The following RBM19 variants were observed in gnomAD, a reference collection of about 807,000 sequenced individuals.
RBM19 encodes RNA binding motif protein 19.
A neutral mutation model predicts 116.8 loss-of-function variants in RBM19; 94 were observed. That is an observed-to-expected ratio of 0.80 (90% CI 0.68 to 0.95). The LOEUF (loss-of-function observed/expected upper bound fraction) is 0.95. RBM19 is among the 40% of genes least tolerant of loss of function. The probability of loss-of-function intolerance (pLI) is 0.00; values close to 1 mark genes in which losing one functional copy is unlikely to be tolerated. For synonymous variants in RBM19, 475 were observed against 494.1 expected, an observed-to-expected ratio of 0.96 and a Z score of 0.51; for missense variants, 1,161 against 1,220.7, an observed-to-expected ratio of 0.95 and a Z score of 0.73.
chr12:113,836,280 T>C (rs1454707608), intron 23 of RBM19, among the ~76,000 whole-genome samples: 1 of 151,792 alleles, frequency 6.6e-6, no homozygotes, highest in East Asian at 1.9e-4. Context: ...GGGAGGGCAG[T>C]TTGGTGGAAA....
intron 15 of RBM19, among the ~76,000 whole-genome samples, chr12:113,938,173 T>C (rs1428493153): frequency 6.6e-6 from 1 of 152,116 alleles, no homozygotes; most frequent in Non-Finnish European, 1.5e-5. Context: ...GAGAGAGCTT[T>C]TGGTGACTGG....
chr12:113,919,019 C>A (rs574811620), intron 19 of RBM19, among the ~76,000 whole-genome samples: 1 of 152,270 alleles, frequency 6.6e-6, no homozygotes, highest in South Asian at 2.1e-4. Flanking sequence ...ATACAGTACA[C>A]GTGCAAAGTG....
At position 113,844,630 on chromosome 12, in the gene RBM19, G is replaced by A. The variant is rs1298683421; in HGVS notation, c.2785+38C>T. ...CACCCACCTCTTGTGTTCCCCAGGG[G>A]GCCCATGAGTCAGCCCAAAAGACCG... On this transcript the variant is annotated intron_variant, in intron 23 of 23. Coordinates refer to ENST00000261741, the MANE Select transcript of RBM19 (RefSeq NM_016196.4). 1.9e-6 allele frequency: 3 copies of A among 1,581,224 alleles called. No homozygotes were observed. In the Admixed American group the frequency reaches 5.3e-5, roughly 28 times the overall value.
At chr12:113,957,689 A>G (rs1593653056) in intron 6 of RBM19, 93 bp downstream of exon 6, 1 of 1,466,864 alleles carries the variant, frequency 6.8e-7, no homozygotes. Flanking sequence ...GTCTTTCCCC[A>G]ACATTCCGCT....
At position 113,927,099 on chromosome 12, in the gene RBM19, A is replaced by C; in HGVS notation, c.2199T>G (p.Phe733Leu). 6.2e-7 allele frequency: 1 copy of C among 1,613,656 alleles called. No homozygotes were observed. The highest frequency in any genetic ancestry group is 2.2e-5 in the East Asian group (1 of 44,888). Reference protein sequence around the residue: ...EEESLPGCTLFIKNLNFDTTE... With the variant: ...EEESLPGCTLLIKNLNFDTTE... ...TTGTGTCAAAATTGAGATTCTTAATAAACAGAGTACATCCTGGGAGGCTCT... is the reference window on the plus strand; with the variant it reads ...TTGTGTCAAAATTGAGATTCTTAATCAACAGAGTACATCCTGGGAGGCTCT... Residue 733 changes from phenylalanine to leucine, a missense_variant, in exon 17 of 24, where the codon TTT becomes TTG. Phe to Leu is a conservative substitution (Grantham distance 22). Transcript: ENST00000261741.
At chr12:113,837,775 G>A (rs1167423445) in intron 23 of RBM19, among the ~76,000 whole-genome samples, 4 of 152,198 alleles carry the variant, frequency 2.6e-5, no homozygotes, top group African/African-American at 9.7e-5. Flanking sequence ...CCCTCTCTGT[G>A]CCTTAGTTTT....
At chr12:113,877,345 TC>T (rs2135781170) in intron 21 of RBM19, among the ~76,000 whole-genome samples, 1 of 152,232 alleles carries the variant, frequency 6.6e-6, no homozygotes, top group African/African-American at 2.4e-5. Context: ...TTGCCAAGTA[TC>T]TATGGCCCCC....
chr12:113,903,810 T>C lies in RBM19; in HGVS notation c.2558+11159A>G. On this transcript the variant is annotated intron_variant, in intron 21 of 23. Transcript: ENST00000261741. This position sits in a 1 kb window ranked among gnomAD's most constrained non-coding sequence, Gnocchi z 5.1. ...TATCAGATCTTCTATCTTGATATAA[T>C]CTGGGTAGTTCCTGTCTCTCCCTCC... 6.6e-6 allele frequency among the ~76,000 whole-genome samples: 1 copy of C among 152,232 alleles called. No homozygotes were observed. Among genetic ancestry groups the C allele is most frequent in the East Asian group, 1.9e-4 (1 of 5,200 alleles).
chr12:113,880,342 TACCCTC>T (rs1880014169), intron 21 of RBM19, among the ~76,000 whole-genome samples: 1 of 151,032 alleles, frequency 6.6e-6, no homozygotes, highest in Non-Finnish European at 1.5e-5. Context: ...GTACCTCCCC[TACCCTC>T]ACTGGTTCCT....
intron 16 of RBM19, 89 bp from the exon 17 acceptor site, chr12:113,927,318 A>G (rs1225958586): frequency 6.9e-7 from 1 of 1,452,634 alleles, no homozygotes; most frequent in South Asian, 1.4e-5. Context: ...GCCAACTGCA[A>G]AAAGCCCACT....
intron 16 of RBM19, chr12:113,927,470 G>A: frequency 2.0e-6 from 1 of 494,044 alleles, no homozygotes; most frequent in South Asian, 3.7e-5. Context: ...ACAAAACACA[G>A]CCCTCAAATG....
chr12:113,826,841 G>A (rs1319016992), intron 23 of RBM19, among the ~76,000 whole-genome samples: 1 of 152,216 alleles, frequency 6.6e-6, no homozygotes. Flanking sequence ...AGCACTCATG[G>A]GGCGGGGGCT....
chr12:113,912,201 G>T (rs1276265792), intron 21 of RBM19, among the ~76,000 whole-genome samples: 2 of 152,272 alleles, frequency 1.3e-5, no homozygotes, highest in African/African-American at 4.8e-5. Context: ...TCCAGCAGGC[G>T]GGGTAGCTTG....
chr12:113,855,183 C>T (rs1426517133), intron 22 of RBM19, among the ~76,000 whole-genome samples: 1 of 152,196 alleles, frequency 6.6e-6, no homozygotes, highest in Non-Finnish European at 1.5e-5. Context: ...GTGCTCAGGG[C>T]CACAGCAGGG....
chr12:113,854,963 T>G (rs1170480474), intron 22 of RBM19, among the ~76,000 whole-genome samples: 1 of 152,364 alleles, frequency 6.6e-6, no homozygotes, highest in African/African-American at 2.4e-5. Flanking sequence ...TTATCATCAG[T>G]TGCCTGGTTA....
chr12:113,833,879 G>A (rs1353783107), intron 23 of RBM19, among the ~76,000 whole-genome samples: 1 of 152,128 alleles, frequency 6.6e-6, no homozygotes, highest in Non-Finnish European at 1.5e-5. Context: ...GAGTAGCTGG[G>A]ACTACAGGTG....
intron 22 of RBM19, among the ~76,000 whole-genome samples, chr12:113,858,051 C>T (rs959920141): frequency 9.9e-5 from 15 of 152,240 alleles, no homozygotes; most frequent in Non-Finnish European, 1.9e-4. Flanking sequence ...TCTGCAGCCA[C>T]ATTCCTTCTG....
At chr12:113,887,648 A>AAAG (rs1880633798) in intron 21 of RBM19, among the ~76,000 whole-genome samples, 1 of 149,468 alleles carries the variant, frequency 6.7e-6, no homozygotes, top group Non-Finnish European at 1.5e-5. Flanking sequence ...AAAAAAAAAA[A>AAAG]AAAGAAAAAA....
At position 113,957,972 on chromosome 12, in the gene RBM19, T is replaced by C. The variant is rs1180855141; in HGVS notation, c.650A>G (p.Lys217Arg). 6.2e-7 allele frequency: 1 copy of C among 1,614,090 alleles called. No homozygotes were observed. Among genetic ancestry groups the C allele is most frequent in the Non-Finnish European group, 8.5e-7 (1 of 1,180,044 alleles). Reference sequence around the variant, plus strand: ...CTCCGAGGAAGAGGACGACCCAGCCTTCACCATCTTGGATTTCAGGTAATC... The same window carrying C: ...CTCCGAGGAAGAGGACGACCCAGCCCTCACCATCTTGGATTTCAGGTAATC... Reference protein sequence around the residue: ...DMDYLKSKMVKAGSSSSSEEE... With the variant: ...DMDYLKSKMVRAGSSSSSEEE... Residue 217 changes from lysine (K) to arginine (R), a missense_variant, in exon 6 of 24, where the codon AAG becomes AGG. Lys to Arg is a conservative substitution (Grantham distance 26). Transcript: ENST00000261741.
Sources: allele counts gnomAD v4.1 joint callset (sites outside exome capture counted in the v4.1 genomes callset), GRCh38; gene constraint gnomAD v4.1.1; non-coding constraint Gnocchi (gnomAD v3.1); transcripts MANE v1.5; gene names NCBI Gene and HGNC (gene_info 2026-07-23, HGNC 2026-07-21).